ARHGAP42: variants seen among roughly 807,000 people sequenced by gnomAD.
ARHGAP42 encodes Rho GTPase activating protein 42, also known as rho GTPase-activating protein 42.
In ARHGAP42, 63 loss-of-function variants were observed where a neutral mutation model predicts 125.0. The ratio of observed to expected loss-of-function variants is 0.50; its 90% CI spans 0.41 to 0.62. The LOEUF is 0.62. Ranked by LOEUF, ARHGAP42 falls within the 20% of genes least tolerant of loss-of-function variation. The pLI is 0.00. For synonymous variants in ARHGAP42, 339 were observed against 351.0 expected (o/e 0.97, Z 0.38); for missense variants, 766 against 1,024.2 (o/e 0.75, Z 3.44).
At chr11:100,861,773 C>G (rs920147839) in intron 4 of ARHGAP42, among the ~76,000 whole-genome samples, 23 of 152,138 alleles carry the variant, frequency 1.5e-4, no homozygotes, top group African/African-American at 5.6e-4. Flanking sequence ...GAAATTTAGG[C>G]TCCTCTGAGA....
rs774764496 is a variant in ARHGAP42, at chr11:100,924,464, C to A, written c.597+2860C>A. Among the ~76,000 whole-genome samples the A allele has an allele frequency of 7.9e-5, 12 of 151,690 alleles. 1 individual carries two copies. The highest frequency in any genetic ancestry group is 2.9e-4 in the African/African-American group (12 of 41,190). ...GGTGGATCGCTTGAGGTCAGGAGTT[C>A]GAGACCAGCCTGACCTATATGGTGA... On this transcript the variant is annotated intron_variant, in intron 6 of 23. Coordinates refer to ENST00000298815, the MANE Select transcript of ARHGAP42 (RefSeq NM_152432.4).
At chr11:100,909,347 T>TG (rs997819000) in intron 4 of ARHGAP42, among the ~76,000 whole-genome samples, 1 of 149,992 alleles carries the variant, frequency 6.7e-6, no homozygotes, top group Non-Finnish European at 1.5e-5. Flanking sequence ...TCTTGTTTTT[T>TG]TTTTTTTTTC....
chr11:100,892,651 A>C (rs1468395266), intron 4 of ARHGAP42, among the ~76,000 whole-genome samples: 4 of 152,188 alleles, frequency 2.6e-5, no homozygotes, highest in African/African-American at 7.2e-5. Flanking sequence ...GCTTCTAGAA[A>C]ACTCTTAAAG....
intron 1 of ARHGAP42, among the ~76,000 whole-genome samples, chr11:100,710,818 C>A (rs1409408683): frequency 6.6e-6 from 1 of 152,194 alleles, no homozygotes; most frequent in Non-Finnish European, 1.5e-5. Context: ...GGATTACAGG[C>A]TTGAGCCACT....
intron 1 of ARHGAP42, among the ~76,000 whole-genome samples, chr11:100,722,831 ATCATACTTTTGG>A (rs1861787404): frequency 6.6e-6 from 1 of 152,126 alleles, no homozygotes; most frequent in Non-Finnish European, 1.5e-5. Context: ...TTTTCTTTGG[ATCATACTTTTGG>A]TGTTATATCT....
chr11:100,921,212 T>C (rs1301123792), intron 5 of ARHGAP42, among the ~76,000 whole-genome samples: 1 of 9,950 alleles, frequency 1.0e-4, no homozygotes, highest in Non-Finnish European at 1.6e-4. Context: ...AATATATATA[T>C]ACATATATAT....
At chr11:100,704,904 G>A (rs1861453899) in intron 1 of ARHGAP42, among the ~76,000 whole-genome samples, 1 of 151,336 alleles carries the variant, frequency 6.6e-6, no homozygotes, top group Non-Finnish European at 1.5e-5. Context: ...CTTGAGCCCA[G>A]GAGCTTGAGG....
intron 4 of ARHGAP42, among the ~76,000 whole-genome samples, chr11:100,863,056 CA>C (rs1331714266): frequency 9.0e-5 from 5 of 55,784 alleles, no homozygotes. Flanking sequence ...AAAAAAAACA[CA>C]AAACACACAC....
At chr11:100,826,605 G>A (rs1396390678) in intron 3 of ARHGAP42, among the ~76,000 whole-genome samples, 2 of 152,090 alleles carry the variant, frequency 1.3e-5, no homozygotes, top group East Asian at 1.9e-4. Flanking sequence ...TATCAATGTA[G>A]TTATATTAAC....
chr11:100,938,516 G>T (rs965653669), intron 8 of ARHGAP42, among the ~76,000 whole-genome samples: 5 of 151,780 alleles, frequency 3.3e-5, no homozygotes, highest in Non-Finnish European at 5.9e-5. Context: ...GGGTCTAATT[G>T]GCATAAATTA....
chr11:100,952,035 A>G (rs1285350542), intron 12 of ARHGAP42, among the ~76,000 whole-genome samples: 1 of 152,194 alleles, frequency 6.6e-6, no homozygotes, highest in East Asian at 1.9e-4. Flanking sequence ...AAGAAATATT[A>G]CAAGCTTCTA....
At position 100,857,216 on chromosome 11, in the gene ARHGAP42, C is replaced by T. The variant is rs188915919; in HGVS notation, c.313-2338C>T. ...TTCCTTCGGTTTAACATTAATAGAA[C>T]GGGAGAAGAAGAAAAAAAAATTAAA... On this transcript the variant is annotated intron_variant, in intron 3 of 23. Transcript: ENST00000298815. 5.3e-3 allele frequency among the ~76,000 whole-genome samples: 798 copies of T among 150,476 alleles called. 5 individuals are homozygous for T. Among genetic ancestry groups the T allele is most frequent in the Admixed American group, 7.8e-3 (118 of 15,104 alleles).
intron 1 of ARHGAP42, among the ~76,000 whole-genome samples, chr11:100,703,402 C>G (rs568796353): frequency 6.6e-6 from 1 of 151,834 alleles, no homozygotes; most frequent in Non-Finnish European, 1.5e-5. Context: ...TTTTTTTTCA[C>G]TTGCTCTTGG....
chr11:100,807,459 G>T (rs1778613837), intron 3 of ARHGAP42, among the ~76,000 whole-genome samples: 1 of 152,184 alleles, frequency 6.6e-6, no homozygotes, highest in Non-Finnish European at 1.5e-5. Flanking sequence ...GTCTCCCAAA[G>T]TGCTAGGATT....
chr11:100,973,101 A>G, intron 17 of ARHGAP42, 74 bp from the exon 18 acceptor site: 4 of 1,333,496 alleles, frequency 3.0e-6, no homozygotes, highest in South Asian at 3.2e-5. Context: ...TTGCACCACA[A>G]ATTTGATAGA....
Position 100,736,823 on chromosome 11 carries a change from A to G in ARHGAP42, c.155-33520A>G, listed in dbSNP as rs73005704. Among the ~76,000 whole-genome samples, 1,316 of 152,340 alleles carry G rather than the reference A, an allele frequency of 8.6e-3. 9 individuals carry two copies. The highest frequency in any genetic ancestry group is 0.014 in the Non-Finnish European group (944 of 68,036). ...GATAGTGTCTTCTGTTAAGAAAGAA[A>G]AAAAGGACAGGAGAAGCACATTATT... is the stretch of plus-strand genomic sequence containing the variant. On this transcript the variant is annotated intron_variant, in intron 1 of 23. Transcript: ENST00000298815.
chr11:100,719,650 C>A (rs147497944), intron 1 of ARHGAP42, among the ~76,000 whole-genome samples: 1 of 152,066 alleles, frequency 6.6e-6, no homozygotes, highest in African/African-American at 2.4e-5. Context: ...TCTCTCTTTC[C>A]TTTTTTTCTT....
chr11:100,830,913 A>G (rs1864649368), intron 3 of ARHGAP42, among the ~76,000 whole-genome samples: 1 of 152,098 alleles, frequency 6.6e-6, no homozygotes, highest in African/African-American at 2.4e-5. Flanking sequence ...TTTTCTTGGG[A>G]TATAATTTTT....
intron 3 of ARHGAP42, chr11:100,859,280 T>C (rs2135140438): frequency 3.1e-6 from 1 of 319,380 alleles, no homozygotes. Flanking sequence ...TAGTTAAGTC[T>C]TAGAAGAAGA....
Sources: gnomAD v4.1 joint callset for allele counts (sites outside exome capture counted in the v4.1 genomes callset) on GRCh38, gnomAD v4.1.1 for gene constraint, MANE v1.5 for transcripts, NCBI Gene and HGNC (gene_info 2026-07-23, HGNC 2026-07-21) for gene names.